Variants in NWD2 observed in about 807,000 individuals in gnomAD.
NWD2 encodes NACHT and WD repeat domain containing 2, also known as NACHT and WD repeat domain-containing protein 2.
Under a neutral mutation model 132.7 loss-of-function variants are expected in NWD2, and 37 were observed. The observed-to-expected ratio is 0.28, with a 90% CI of 0.21 to 0.37. The LOEUF (loss-of-function observed/expected upper bound fraction) is 0.37, where lower values mean the gene tolerates loss of function less well. NWD2 is among the 10% of genes least tolerant of loss of function. NWD2 has a pLI of 1.00. For missense variants in NWD2, 1,592 were observed against 2,122.4 expected (o/e 0.75, Z 4.91); for synonymous variants, 705 against 803.0 (o/e 0.88, Z 2.06).
At chr4:37,328,906 A>C (rs748039962) in intron 2 of NWD2, among the ~76,000 whole-genome samples, 19 of 151,898 alleles carry the variant, frequency 1.3e-4, no homozygotes, top group Non-Finnish European at 1.8e-4. Context: ...TCTTTCTCCC[A>C]CTAGATTATA....
chr4:37,250,179 C>T (rs927414465), intron 1 of NWD2, among the ~76,000 whole-genome samples: 2 of 151,906 alleles, frequency 1.3e-5, no homozygotes, highest in African/African-American at 4.8e-5. Flanking sequence ...CACACACACA[C>T]ACACACAGCC....
chr4:37,356,383 G>C lies in NWD2; in HGVS notation c.258G>C (p.Trp86Cys). The change falls in exon 3 of 7, where the codon TGG becomes TGC. Residue 86 changes from tryptophan (W) to cysteine (C), a missense_variant. This residue lies in a region of NWD2 where 144 missense variants were observed against 185.7 expected (regional missense o/e 0.78). Transcript: ENST00000309447. ...GTCCCCAGGTCATAGATCTGTACTG[G>C]GGAGTGGAAGAAGATGAGTGGGACA... ...GLEFQVIDLY[W>C]GVEEDEWDSP... The C allele has an allele frequency of 6.5e-7, 1 of 1,548,764 alleles. No individual in the cohort carries two copies. Among genetic ancestry groups the C allele is most frequent in the African/African-American group, 1.4e-5 (1 of 73,062 alleles).
At chr4:37,248,310 G>A (rs973082357) in intron 1 of NWD2, among the ~76,000 whole-genome samples, 1 of 152,182 alleles carries the variant, frequency 6.6e-6, no homozygotes, top group African/African-American at 2.4e-5. Context: ...CTCCCACCAA[G>A]AGGTAGTCCG....
chr4:37,370,953 C>T (rs1178443804), intron 3 of NWD2, among the ~76,000 whole-genome samples: 1 of 151,974 alleles, frequency 6.6e-6, no homozygotes, highest in Non-Finnish European at 1.5e-5. Flanking sequence ...GACTTGGTAC[C>T]CCCACACAGA....
In NWD2 at chr4:37,443,482, T is replaced by A; in HGVS notation, c.1494T>A (p.Asn498Lys). The A allele has an allele frequency of 6.4e-7, 1 of 1,552,206 alleles. No homozygotes were observed. Among genetic ancestry groups the A allele is most frequent in the Non-Finnish European group, 8.7e-7 (1 of 1,147,104 alleles). Residue 498 changes from asparagine to lysine, a missense_variant, in exon 7 of 7, where the codon AAT (asparagine) becomes AAA (lysine). Around this residue, in one of 7 missense-constraint regions of NWD2, gnomAD observed 1,071 missense variants for 1,398.0 expected, o/e 0.77. Transcript: ENST00000309447. The surrounding 1 kb of genome is among the most constrained non-coding windows in gnomAD (Gnocchi z 4.1). ...ATGACCTCTGTGACTTATTTATAAA[T>A]CTTTTGAATGAGTCTTCACTGCAGA... ...KIHDLCDLFINLLNESSLQRP... is the reference protein window; with the variant it reads ...KIHDLCDLFIKLLNESSLQRP...
intron 3 of NWD2, among the ~76,000 whole-genome samples, chr4:37,363,373 T>C (rs1720021876): frequency 6.6e-6 from 1 of 152,112 alleles, no homozygotes; most frequent in Non-Finnish European, 1.5e-5. Context: ...CACAGCACAA[T>C]AGCAAAGAAT....
At chr4:37,309,221 G>C (rs1294635575) in intron 1 of NWD2, among the ~76,000 whole-genome samples, 2 of 152,220 alleles carry the variant, frequency 1.3e-5, no homozygotes, top group Non-Finnish European at 2.9e-5. Flanking sequence ...GCAGGCCCCA[G>C]GCAGGCCAGT....
chr4:37,343,585 G>A (rs1471243261), intron 2 of NWD2, among the ~76,000 whole-genome samples: 1 of 152,130 alleles, frequency 6.6e-6, no homozygotes, highest in African/African-American at 2.4e-5. Context: ...TTGAAGAATA[G>A]CCTTCATTTC....
At chr4:37,276,678 C>A (rs985456011) in intron 1 of NWD2, among the ~76,000 whole-genome samples, 10 of 152,110 alleles carry the variant, frequency 6.6e-5, no homozygotes, top group African/African-American at 2.4e-4. Flanking sequence ...TATAAAGACA[C>A]ATGCACACGT....
intron 6 of NWD2, among the ~76,000 whole-genome samples, chr4:37,442,297 C>A (rs1712505702): frequency 6.6e-6 from 1 of 152,180 alleles, no homozygotes; most frequent in East Asian, 1.9e-4. Context: ...CCTAAAAATA[C>A]TCATTGGAGT....
chr4:37,390,816 G>A (rs191845251), intron 3 of NWD2, among the ~76,000 whole-genome samples: 10 of 152,300 alleles, frequency 6.6e-5, no homozygotes, highest in African/African-American at 2.2e-4. Flanking sequence ...TTTGGAGCCT[G>A]GAAGACGTTC....
At chr4:37,315,293 G>T (rs535600261) in intron 1 of NWD2, among the ~76,000 whole-genome samples, 23 of 152,106 alleles carry the variant, frequency 1.5e-4, no homozygotes, top group African/African-American at 5.5e-4. Context: ...AGGTTAAACT[G>T]CTTGATAGTG....
At chr4:37,266,910 A>C (rs1717763959) in intron 1 of NWD2, among the ~76,000 whole-genome samples, 1 of 152,092 alleles carries the variant, frequency 6.6e-6, no homozygotes, top group South Asian at 2.1e-4. Context: ...AACACAAAAG[A>C]TATCTCGAGG....
chr4:37,320,323 A>G (rs982922951), intron 1 of NWD2, among the ~76,000 whole-genome samples: 2 of 152,326 alleles, frequency 1.3e-5, no homozygotes, highest in East Asian at 1.9e-4. Flanking sequence ...GCTAGAAGAT[A>G]TATTTACACT....
chr4:37,430,746 T>G lies in NWD2; in HGVS notation c.532T>G (p.Ser178Ala). The part of the protein sequence containing the change: ...VPAAYYLRPK[S>A]EMLRSNRNAM... The stretch of plus-strand genomic sequence containing the variant: ...AGCAGCCTATTACCTCAGACCCAAG[T>G]CAGAAATGCTGAGAAGCAATAGAAA... Residue 178 changes from serine (S) to alanine (A), a missense_variant, in exon 4 of 7, where the codon TCA becomes GCA. Coordinates refer to ENST00000309447, the MANE Select transcript of NWD2 (RefSeq NM_001144990.2). 1 of 1,551,514 alleles carries G rather than the reference T, an allele frequency of 6.4e-7. No individual in the cohort carries two copies. Among genetic ancestry groups the G allele is most frequent in the Non-Finnish European group, 8.7e-7 (1 of 1,146,822 alleles).
At position 37,446,962 on chromosome 4, in the gene NWD2, C is replaced by T; in HGVS notation, c.4974C>T (p.Ala1658=). 1 of 1,551,370 alleles carries T rather than the reference C, an allele frequency of 6.4e-7. No individual in the cohort carries two copies. The change falls in exon 7 of 7, where the codon GCC becomes GCT. Residue 1658 remains alanine (A), a synonymous_variant. Coordinates refer to ENST00000309447, the MANE Select transcript of NWD2 (RefSeq NM_001144990.2). The surrounding 1 kb of genome is among the most constrained non-coding windows in gnomAD (Gnocchi z 6.7). ...ATGCTGCACTGAAAATCAAAATTGC[C>T]ACTTCAAATAGCAGACAAATTTTCA... ...RVDAALKIKI[A]TSNSRQIFNN... is the part of the protein sequence containing the mutation.
chr4:37,248,859 A>T (rs1717296057), intron 1 of NWD2, among the ~76,000 whole-genome samples: 1 of 152,250 alleles, frequency 6.6e-6, no homozygotes, highest in African/African-American at 2.4e-5. Flanking sequence ...ATCTGTGATC[A>T]TCTGGGCCAG....
In NWD2 at chr4:37,369,744, G is replaced by A. The variant is rs1279158201; in HGVS notation, c.357+13262G>A. 2.0e-5 allele frequency among the ~76,000 whole-genome samples: 3 copies of A among 152,186 alleles called. No homozygotes were observed. The East Asian group carries it at 5.8e-4, about 29-fold the overall frequency. On this transcript the variant is annotated intron_variant, in intron 3 of 6. Transcript: ENST00000309447. ...AAAGGTAGAGGGGGGGTCAAAGTAG[G>A]TATTTTCTTCCCAACTTGCAAATGC...
At chr4:37,394,799 GTTTTTTTTTTT>G (rs1175840735) in intron 3 of NWD2, among the ~76,000 whole-genome samples, 1 of 52,596 alleles carries the variant, frequency 1.9e-5, no homozygotes, top group African/African-American at 7.7e-5. Flanking sequence ...AACCTTTATG[GTTTTTTTTTTT>G]TTTTTTTTTT....
Sources: gnomAD v4.1 joint callset for allele counts (sites outside exome capture counted in the v4.1 genomes callset) on GRCh38, gnomAD v4.1.1 for gene constraint, gnomAD v4.1.1 regional missense constraint, Gnocchi (gnomAD v3.1) non-coding constraint, MANE v1.5 for transcripts, NCBI Gene and HGNC (gene_info 2026-07-23, HGNC 2026-07-21) for gene names.